TMEM185A: variants seen among roughly 807,000 people sequenced by gnomAD.
The protein encoded by TMEM185A is family with sequence similarity 11, member A.
A neutral mutation model predicts 25.0 loss-of-function variants in TMEM185A; 9 were observed. The observed-to-expected ratio is 0.36, with a 90% CI of 0.22 to 0.63. The LOEUF (loss-of-function observed/expected upper bound fraction) is 0.63. Ranked by LOEUF, TMEM185A falls within the 20% of genes least tolerant of loss-of-function variation. TMEM185A has a pLI of 0.68. For synonymous variants in TMEM185A, 45 were observed against 93.5 expected (o/e 0.48, Z 2.99); for missense variants, 103 against 237.4 (o/e 0.43, Z 3.72).
chrX:149,618,839 T>C (rs1290696973), intron 1 of TMEM185A, among the ~76,000 whole-genome samples: 2 of 112,235 alleles, frequency 1.8e-5, no homozygotes, highest in Admixed American at 9.4e-5. Flanking sequence ...TAGCAAAATT[T>C]TTAATGTATG....
intron 1 of TMEM185A, among the ~76,000 whole-genome samples, chrX:149,615,565 A>C (rs1199038276): frequency 9.0e-6 from 1 of 111,650 alleles, no homozygotes; most frequent in African/African-American, 3.2e-5. Context: ...TAAGTAATCT[A>C]AAAAAAAGCT....
At chrX:149,622,067 A>C (rs145133200) in intron 1 of TMEM185A, among the ~76,000 whole-genome samples, 248 of 112,432 alleles carry the variant, frequency 2.2e-3, no homozygotes, top group African/African-American at 7.7e-3. Flanking sequence ...AGATTAAGAA[A>C]GTAAACCTGT....
intron 1 of TMEM185A, among the ~76,000 whole-genome samples, chrX:149,618,729 A>G (rs1035797415): frequency 9.8e-5 from 11 of 112,185 alleles, no homozygotes; most frequent in African/African-American, 3.2e-4. Context: ...CTTCGAAGGT[A>G]ATAATAAACA....
At chrX:149,624,085 A>G (rs1394385629) in intron 1 of TMEM185A, among the ~76,000 whole-genome samples, 1 of 112,971 alleles carries the variant, frequency 8.9e-6, no homozygotes, top group African/African-American at 3.2e-5. Flanking sequence ...CAAGTATAAA[A>G]ATAGACTGCT....
intron 1 of TMEM185A, among the ~76,000 whole-genome samples, chrX:149,627,815 C>T (rs2090171443): frequency 8.9e-6 from 1 of 112,370 alleles, no homozygotes; most frequent in Admixed American, 9.4e-5. Flanking sequence ...GCACCTAGTA[C>T]ATCACTTGGC....
At chrX:149,622,559 T>C (rs1364360778) in intron 1 of TMEM185A, among the ~76,000 whole-genome samples, 1 of 112,402 alleles carries the variant, frequency 8.9e-6, no homozygotes, top group Non-Finnish European at 1.9e-5. Context: ...TACATATATA[T>C]AGTTTTTCCA....
At chrX:149,603,947 T>A in intron 4 of TMEM185A, 40 bp downstream of exon 4, 9 of 1,115,342 alleles carry the variant, frequency 8.1e-6, no homozygotes, top group Non-Finnish European at 1.1e-5. Context: ...ACTTTTATAA[T>A]AAAAAAGAAC....
intron 1 of TMEM185A, among the ~76,000 whole-genome samples, chrX:149,619,804 C>T (rs2090130726): frequency 9.0e-6 from 1 of 111,162 alleles, no homozygotes; most frequent in African/African-American, 3.3e-5. Context: ...TTTCCAATTT[C>T]ACCCATGTCC....
intron 1 of TMEM185A, among the ~76,000 whole-genome samples, chrX:149,631,013 A>G (rs782721423): frequency 9.0e-6 from 1 of 111,201 alleles, no homozygotes; most frequent in South Asian, 3.9e-4. Context: ...ATACCCCGAC[A>G]CTGACTCCAA....
intron 4 of TMEM185A, among the ~76,000 whole-genome samples, chrX:149,603,073 TG>T (rs1405861558): frequency 1.8e-5 from 2 of 112,081 alleles, no homozygotes; most frequent in African/African-American, 6.5e-5. Flanking sequence ...CCAGTGGCAA[TG>T]GAACTCTTCT....
chrX:149,607,234 C>T (rs1434195720), intron 3 of TMEM185A, among the ~76,000 whole-genome samples: 1 of 112,001 alleles, frequency 8.9e-6, no homozygotes, highest in African/African-American at 3.3e-5. Context: ...ACCCACCCTA[C>T]AGCTGCTATG....
At chrX:149,603,178 C>T (rs1557352702) in intron 4 of TMEM185A, among the ~76,000 whole-genome samples, 1 of 112,039 alleles carries the variant, frequency 8.9e-6, no homozygotes, top group African/African-American at 3.2e-5. Flanking sequence ...TCTATCTCTG[C>T]ATCCATCTAC....
intron 3 of TMEM185A, among the ~76,000 whole-genome samples, chrX:149,607,715 T>A (rs985868576): frequency 3.6e-5 from 4 of 112,111 alleles, no homozygotes; most frequent in African/African-American, 1.3e-4. Flanking sequence ...CAGGGGCACA[T>A]CAGGATAAGC....
intron 1 of TMEM185A, among the ~76,000 whole-genome samples, chrX:149,625,161 A>G (rs782564089): frequency 4.5e-5 from 5 of 112,124 alleles, no homozygotes; most frequent in African/African-American, 9.7e-5. Flanking sequence ...CAGGCATGAC[A>G]TATCAGGCAA....
intron 3 of TMEM185A, among the ~76,000 whole-genome samples, chrX:149,606,002 T>C (rs2090049522): frequency 8.9e-6 from 1 of 112,377 alleles, no homozygotes; most frequent in South Asian, 3.7e-4. Flanking sequence ...ATGCCAACAG[T>C]TGCACTGATT....
At chrX:149,618,786 C>T (rs1166669080) in intron 1 of TMEM185A, among the ~76,000 whole-genome samples, 1 of 111,654 alleles carries the variant, frequency 9.0e-6, no homozygotes, top group Non-Finnish European at 1.9e-5. Flanking sequence ...ATTTCCAAAA[C>T]CAACACAAAT....
chrX:149,615,200 G>A (rs781845294), intron 1 of TMEM185A, among the ~76,000 whole-genome samples: 23 of 112,269 alleles, frequency 2.0e-4, no homozygotes, highest in African/African-American at 4.9e-4. Flanking sequence ...AGCAACCTTC[G>A]TGGTATTAGC....
rs1484634489 is a variant in TMEM185A, at chrX:149,631,733, C to G, written c.-153G>C. ...CCGTCCCCGCTGCCGTCGCCGTCGC[C>G]GTCGCCGCCGCCGCCGCCGCCGCCG... On this transcript the variant is annotated 5_prime_UTR_variant, in exon 1 of 7. Coordinates refer to ENST00000600449, the MANE Select transcript of TMEM185A (RefSeq NM_032508.4). 5.2e-6 allele frequency: 2 copies of G among 383,153 alleles called. No individual in the cohort carries two copies. The highest frequency in any genetic ancestry group is 7.4e-6 in the Non-Finnish European group (2 of 269,007). 31.6% of individuals were successfully genotyped at this position (383,153 alleles called of 1,213,427 possible). A position where few individuals can be genotyped will look rare whatever the true frequency, so the allele number is the denominator to read the frequency against.
chrX:149,606,626 T>C (rs1444920665), intron 3 of TMEM185A: 2 of 112,250 alleles, frequency 1.8e-5, no homozygotes, highest in African/African-American at 6.5e-5. Flanking sequence ...GGCTTCAATG[T>C]GTCCCAAAAA....
Sources: allele counts gnomAD v4.1 joint callset (sites outside exome capture counted in the v4.1 genomes callset), GRCh38; gene constraint gnomAD v4.1.1; transcripts MANE v1.5; gene names NCBI Gene and HGNC (gene_info 2026-07-23, HGNC 2026-07-21).